KCNN3: variants seen among roughly 807,000 people sequenced by gnomAD.
KCNN3 encodes the protein small conductance calcium-activated potassium channel protein 3.
A neutral mutation model predicts 62.9 loss-of-function variants in KCNN3; 16 were observed. The ratio of observed to expected loss-of-function variants is 0.25; its 90% CI spans 0.17 to 0.39. The LOEUF (loss-of-function observed/expected upper bound fraction) is 0.39, where lower values mean the gene tolerates loss of function less well. KCNN3 is among the 10% of genes least tolerant of loss of function. KCNN3 has a pLI of 1.00. For synonymous variants in KCNN3, 370 were observed against 389.2 expected (o/e 0.95, Z 0.58); for missense variants, 599 against 949.4 (o/e 0.63, Z 4.85).
At chr1:154,831,640 A>AAATCT (rs1359526045) in intron 1 of KCNN3, among the ~76,000 whole-genome samples, 1 of 152,106 alleles carries the variant, frequency 6.6e-6, no homozygotes, top group Non-Finnish European at 1.5e-5. Context: ...TCAGTGCCCC[A>AAATCT]TGAGTCTCCT....
chr1:154,728,740 G>A (rs1006307211), intron 4 of KCNN3, among the ~76,000 whole-genome samples: 13 of 152,028 alleles, frequency 8.6e-5, no homozygotes, highest in African/African-American at 2.4e-4. Flanking sequence ...AACAAGTTGC[G>A]TTGCATCCTA....
Position 154,707,140 on chromosome 1 carries a change from G to A in KCNN3, c.*836C>T, listed in dbSNP as rs1256105288. ...AAGCAATGTGCATTATGTCTGAAGG[G>A]ATCCACATCTTCAGTGAAACTCAGA... On this transcript the variant is annotated 3_prime_UTR_variant, in exon 8 of 8. Coordinates refer to ENST00000271915, the MANE Select transcript of KCNN3 (RefSeq NM_002249.6). 1 of 152,198 alleles carries A rather than the reference G, an allele frequency of 6.6e-6. No homozygotes were observed. Among genetic ancestry groups the A allele is most frequent in the East Asian group, 1.9e-4 (1 of 5,190 alleles). The allele number at this position is 152,198 out of a possible 1,614,324, so 9.4% of individuals were successfully genotyped here. A position where few individuals can be genotyped will look rare whatever the true frequency, so the allele number is the denominator to read the frequency against.
chr1:154,714,807 A>G, intron 6 of KCNN3, 69 bp downstream of exon 6: 1 of 1,599,004 alleles, frequency 6.3e-7, no homozygotes. Context: ...TGTGCTACTG[A>G]CAGAGTTGTA....
At chr1:154,842,517 C>G (rs1651876668) in intron 1 of KCNN3, among the ~76,000 whole-genome samples, 1 of 152,130 alleles carries the variant, frequency 6.6e-6, no homozygotes, top group African/African-American at 2.4e-5. Context: ...CTATAAGCAA[C>G]TGGGATTTAA....
chr1:154,802,943 G>A (rs932435673), intron 2 of KCNN3, among the ~76,000 whole-genome samples: 1 of 152,196 alleles, frequency 6.6e-6, no homozygotes, highest in African/African-American at 2.4e-5. Flanking sequence ...GGTTGGAGGG[G>A]AGAGGCTCTC....
chr1:154,802,261 G>A (rs531266682), intron 2 of KCNN3, among the ~76,000 whole-genome samples: 1 of 152,284 alleles, frequency 6.6e-6, no homozygotes, highest in East Asian at 1.9e-4. Flanking sequence ...TTGACTCTTG[G>A]CTAGAGAAAG....
In KCNN3 at chr1:154,715,008, G is replaced by A; in HGVS notation, c.1702-5C>T. On this transcript the variant is annotated splice_region_variant and splice_polypyrimidine_tract_variant and intron_variant, in intron 5 of 7. Coordinates refer to ENST00000271915, the MANE Select transcript of KCNN3 (RefSeq NM_002249.6). ...ATTGGCTGCAGCATTCTTGATCTAAGGAAGAATAAATAAAGTAGGCTGCTA... is the reference window on the plus strand; with the variant it reads ...ATTGGCTGCAGCATTCTTGATCTAAAGAAGAATAAATAAAGTAGGCTGCTA... 1.2e-6 allele frequency: 2 copies of A among 1,613,538 alleles called. No individual in the cohort carries two copies. Among genetic ancestry groups the A allele is most frequent in the Non-Finnish European group, 1.7e-6 (2 of 1,179,620 alleles).
At chr1:154,774,518 G>A (rs764206689) in intron 2 of KCNN3, among the ~76,000 whole-genome samples, 1 of 152,234 alleles carries the variant, frequency 6.6e-6, no homozygotes, top group Non-Finnish European at 1.5e-5. Context: ...GGAGGGTGAG[G>A]CCTGAGATCC....
intron 5 of KCNN3, among the ~76,000 whole-genome samples, chr1:154,721,735 T>C (rs1228074916): frequency 6.6e-6 from 1 of 151,966 alleles, no homozygotes; most frequent in South Asian, 2.1e-4. Context: ...GAGTGGCCTC[T>C]GTGATGGATC....
At chr1:154,739,821 G>A (rs1044802016) in intron 3 of KCNN3, among the ~76,000 whole-genome samples, 2 of 152,264 alleles carry the variant, frequency 1.3e-5, no homozygotes, top group Admixed American at 6.5e-5. Context: ...GTGCCACATG[G>A]CAAGGGACAC....
rs1699921519 is a variant in KCNN3 at position 154,704,223 on chromosome 1, C to A, written c.*3753G>T. The stretch of plus-strand genomic sequence containing the variant: ...CAAGATTGTTGTTCTACCACTGGCC[C>A]CTGCTGAGGTCGGTCAGTGGTGACT... On this transcript the variant is annotated 3_prime_UTR_variant, in exon 8 of 8. Coordinates refer to ENST00000271915, the MANE Select transcript of KCNN3 (RefSeq NM_002249.6). The A allele has an allele frequency of 6.6e-6, 1 of 152,206 alleles. No individual in the cohort carries two copies. The highest frequency in any genetic ancestry group is 6.5e-5 in the Admixed American group (1 of 15,284). 9.4% of individuals were successfully genotyped at this position (152,206 alleles called of 1,614,324 possible).
intron 3 of KCNN3, among the ~76,000 whole-genome samples, chr1:154,743,779 A>G (rs911855645): frequency 6.6e-6 from 1 of 152,186 alleles, no homozygotes; most frequent in Non-Finnish European, 1.5e-5. Flanking sequence ...GCAGGCTGAC[A>G]TAAGTGTTCC....
intron 1 of KCNN3, among the ~76,000 whole-genome samples, chr1:154,863,745 C>T (rs957354963): frequency 7.9e-5 from 12 of 152,204 alleles, no homozygotes; most frequent in Non-Finnish European, 1.6e-4. Context: ...AGGCATCAGC[C>T]GCCTTTCTAC....
In KCNN3 at chr1:154,840,904, G is replaced by A. The variant is rs79984111; in HGVS notation, c.934-18720C>T. On this transcript the variant is annotated intron_variant, in intron 1 of 7. Coordinates refer to ENST00000271915, the MANE Select transcript of KCNN3 (RefSeq NM_002249.6). ...CCCCCAGGTCAGGCCACCGAATCCA[G>A]ACTGAGTGTGTGCACCGCACCCTGC... Among the ~76,000 whole-genome samples, 1,226 of 152,344 alleles carry A rather than the reference G, an allele frequency of 8.0e-3. 38 individuals carry two copies. In the East Asian group the frequency reaches 0.081, roughly 10 times the overall value.
At chr1:154,725,770 C>G (rs1700449578) in intron 5 of KCNN3, 146 bp downstream of exon 5, 1 of 684,254 alleles carries the variant, frequency 1.5e-6, no homozygotes, top group African/African-American at 1.8e-5. Flanking sequence ...GTCTTGATCT[C>G]CTGACCTTGT....
intron 1 of KCNN3, among the ~76,000 whole-genome samples, chr1:154,825,015 A>G (rs1222392208): frequency 6.6e-6 from 1 of 152,242 alleles, no homozygotes; most frequent in African/African-American, 2.4e-5. Context: ...TAATAGCTGG[A>G]AAACATGTCA....
intron 2 of KCNN3, among the ~76,000 whole-genome samples, chr1:154,791,550 T>C (rs930497032): frequency 6.6e-6 from 1 of 152,080 alleles, no homozygotes; most frequent in Non-Finnish European, 1.5e-5. Flanking sequence ...GAACTGAGAA[T>C]GTGGAGGAGG....
chr1:154,804,438 T>A (rs536737254), intron 2 of KCNN3, among the ~76,000 whole-genome samples: 92 of 152,356 alleles, frequency 6.0e-4, no homozygotes, highest in Admixed American at 2.1e-3. Context: ...GATGTCCCCA[T>A]CTTTATTATT....
intron 3 of KCNN3, among the ~76,000 whole-genome samples, chr1:154,761,438 A>G (rs534497534): frequency 2.6e-5 from 4 of 152,338 alleles, no homozygotes; most frequent in Non-Finnish European, 4.4e-5. Context: ...ACTGCACTAC[A>G]GCCCGGATGA....
Sources: gnomAD v4.1 joint callset for allele counts (sites outside exome capture counted in the v4.1 genomes callset) on GRCh38, gnomAD v4.1.1 for gene constraint, MANE v1.5 for transcripts, NCBI Gene and HGNC (gene_info 2026-07-23, HGNC 2026-07-21) for gene names.